SEC61G: variants seen among roughly 807,000 people sequenced by gnomAD.
The protein encoded by SEC61G is SEC61 translocon subunit gamma.
SEC61G carries 4 observed loss-of-function variants against 7.5 expected under a neutral mutation model. That is an observed-to-expected ratio of 0.54 (90% CI 0.26 to 1.22). SEC61G has a LOEUF of 1.22. Among genes scored for constraint, SEC61G ranks in the 50% most tolerant of loss-of-function variants. The probability of loss-of-function intolerance (pLI) is 0.12; values close to 1 mark genes in which losing one functional copy is unlikely to be tolerated. For missense variants in SEC61G, 53 were observed against 84.6 expected (o/e 0.63, Z 1.46); for synonymous variants, 24 against 24.4 (o/e 0.98, Z 0.05).
intron 3 of SEC61G, among the ~76,000 whole-genome samples, chr7:54,754,302 TC>T (rs1791466888): frequency 6.6e-6 from 1 of 152,186 alleles, no homozygotes; most frequent in Non-Finnish European, 1.5e-5. Flanking sequence ...AAGAAACACT[TC>T]CTATCAATAA....
At chr7:54,759,007 G>A in intron 1 of SEC61G, 151 bp downstream of exon 1, 1 of 330,402 alleles carries the variant, frequency 3.0e-6, no homozygotes, top group Non-Finnish European at 6.0e-6. Flanking sequence ...TCGGCGGCCA[G>A]ACCCCGGCCC....
intron 1 of SEC61G, among the ~76,000 whole-genome samples, chr7:54,757,933 C>T (rs1791552992): frequency 6.6e-6 from 1 of 152,202 alleles, no homozygotes; most frequent in African/African-American, 2.4e-5. Context: ...TCTCACTCTG[C>T]AGTCCCATCC....
intron 2 of SEC61G, 86 bp from the exon 3 acceptor site, chr7:54,755,967 T>A: frequency 1.6e-6 from 1 of 627,336 alleles, no homozygotes; most frequent in Non-Finnish European, 2.8e-6. Context: ...TAAATGAACT[T>A]AACTAGTATA....
chr7:54,758,491 AAAT>A lies in SEC61G; in HGVS notation c.-7+664_-7+666del, dbSNP rs375047909. ...AGTGTAGGGTGTGGACAACGAAATG[AAAT>A]AATGTCAATGAAACACCAGGAATTC... On this transcript the variant is annotated intron_variant, in intron 1 of 3. Transcript: ENST00000352861. Among the ~76,000 whole-genome samples the A allele has an allele frequency of 4.9e-3, 741 of 152,292 alleles. 4 individuals are homozygous for A. Among genetic ancestry groups the A allele is most frequent in the African/African-American group, 0.017 (688 of 41,562 alleles).
chr7:54,754,912 A>C (rs1791477476), intron 3 of SEC61G: 1 of 152,124 alleles, frequency 6.6e-6, no homozygotes, highest in African/African-American at 2.4e-5. Context: ...GCACTGATAC[A>C]CCTGATATTA....
At chr7:54,755,132 G>C (rs544869397) in intron 3 of SEC61G, 1 of 152,286 alleles carries the variant, frequency 6.6e-6, no homozygotes, top group South Asian at 2.1e-4. Flanking sequence ...CAAATAAAGT[G>C]ATCCCAGTGT....
rs1267624146 is a variant in SEC61G, at chr7:54,759,202, G to A, written c.-51C>T. On this transcript the variant is annotated 5_prime_UTR_variant, in exon 1 of 4. Coordinates refer to ENST00000352861, the MANE Select transcript of SEC61G (RefSeq NM_014302.4). ...AATGCCAGGGACACGTAGCACTGGA[G>A]CTTGCTGATGGAGGCCCACCGGAAC... is the stretch of plus-strand genomic sequence containing the variant. 2 of 519,048 alleles carry A rather than the reference G, an allele frequency of 3.9e-6. No homozygotes were observed. Among genetic ancestry groups the A allele is most frequent in the African/African-American group, 1.9e-5 (1 of 52,100 alleles). The allele number at this position is 519,048 out of a possible 1,614,324, so 32.2% of individuals were successfully genotyped here.
intron 3 of SEC61G, among the ~76,000 whole-genome samples, chr7:54,753,858 A>C (rs994439858): frequency 3.9e-5 from 6 of 152,240 alleles, no homozygotes; most frequent in Non-Finnish European, 8.8e-5. Context: ...CATGAAGATT[A>C]AATGAGTTGA....
intron 2 of SEC61G, among the ~76,000 whole-genome samples, chr7:54,756,864 G>C (rs532087616): frequency 1.6e-4 from 24 of 150,702 alleles, no homozygotes; most frequent in Middle Eastern, 7.0e-3. Context: ...CTTGGTAAGA[G>C]TCTAAGCTCC....
chr7:54,759,036 AC>A, intron 1 of SEC61G, 121 bp downstream of exon 1: 1 of 388,884 alleles, frequency 2.6e-6, no homozygotes, highest in East Asian at 7.7e-5. Context: ...GGGACCACTT[AC>A]CGCCCGCCCC....
At chr7:54,758,294 C>T (rs1318846269) in intron 1 of SEC61G, among the ~76,000 whole-genome samples, 5 of 152,256 alleles carry the variant, frequency 3.3e-5, no homozygotes, top group East Asian at 1.9e-4. Context: ...ATCTATTACC[C>T]AATAGAAATG....
intron 2 of SEC61G, among the ~76,000 whole-genome samples, chr7:54,757,169 T>C (rs1381803035): frequency 1.3e-5 from 2 of 152,036 alleles, no homozygotes. Flanking sequence ...GTTTTGTTCG[T>C]TGGGGTGGGA....
At chr7:54,756,953 A>ATATACTATATACTATACTATATAC (rs1791528647) in intron 2 of SEC61G, among the ~76,000 whole-genome samples, 2 of 143,374 alleles carry the variant, frequency 1.4e-5, no homozygotes, top group Non-Finnish European at 3.1e-5. Flanking sequence ...TATACTATAT[A>ATATACTATATACTATACTATATAC]TATACTATAT....
intron 3 of SEC61G, among the ~76,000 whole-genome samples, chr7:54,752,909 G>A (rs775005696): frequency 6.6e-6 from 1 of 152,178 alleles, no homozygotes; most frequent in Non-Finnish European, 1.5e-5. Flanking sequence ...GAACTTCTGA[G>A]TTTTAAAAGC....
intron 2 of SEC61G, among the ~76,000 whole-genome samples, chr7:54,757,233 A>G (rs1791537807): frequency 6.6e-6 from 1 of 152,092 alleles, no homozygotes; most frequent in African/African-American, 2.4e-5. Context: ...TAAGATACTA[A>G]AAGTCATAAA....
intron 3 of SEC61G, among the ~76,000 whole-genome samples, chr7:54,752,675 A>C (rs1160124805): frequency 6.6e-6 from 1 of 152,200 alleles, no homozygotes; most frequent in Non-Finnish European, 1.5e-5. Flanking sequence ...ATTTTGGAAT[A>C]GTCTAGCATA....
At chr7:54,754,565 T>C (rs1427419672) in intron 3 of SEC61G, among the ~76,000 whole-genome samples, 2 of 152,200 alleles carry the variant, frequency 1.3e-5, no homozygotes, top group Non-Finnish European at 2.9e-5. Context: ...GAATATCACT[T>C]TGTGGCACTT....
At chr7:54,756,321 G>A (rs1320639502) in intron 2 of SEC61G, among the ~76,000 whole-genome samples, 3 of 152,086 alleles carry the variant, frequency 2.0e-5, no homozygotes, top group East Asian at 3.9e-4. Context: ...CGATGGGTCC[G>A]GTGCCTTTGC....
chr7:54,757,492 T>C lies in SEC61G; in HGVS notation c.94+3A>G, dbSNP rs1342827913. On this transcript the variant is annotated splice_donor_region_variant and intron_variant, in intron 2 of 3. Transcript: ENST00000352861. ...ATTTTTTCTCTCATAGTCAAGCAAT[T>C]ACCTTTTCTATCAGGTTTAGTGCAT... 1 of 1,611,872 alleles carries C rather than the reference T, an allele frequency of 6.2e-7. No individual in the cohort carries two copies. Among genetic ancestry groups the C allele is most frequent in the Admixed American group, 1.7e-5 (1 of 59,992 alleles).
Sources: gnomAD v4.1 joint callset for allele counts (sites outside exome capture counted in the v4.1 genomes callset) on GRCh38, gnomAD v4.1.1 for gene constraint, MANE v1.5 for transcripts, NCBI Gene and HGNC (gene_info 2026-07-23, HGNC 2026-07-21) for gene names.